The following ARFGEF3 variants were observed in gnomAD, a reference collection of about 807,000 sequenced individuals.
ARFGEF3 encodes ARFGEF family member 3.
In ARFGEF3, 96 loss-of-function variants were observed where a neutral mutation model predicts 221.7. That is an observed-to-expected ratio of 0.43 (90% CI 0.37 to 0.51). The LOEUF is 0.51. ARFGEF3 is among the 20% of genes least tolerant of loss of function. The pLI, the probability that ARFGEF3 is intolerant of heterozygous loss-of-function variation, is 0.00. For synonymous variants in ARFGEF3, 1,145 were observed against 1,126.8 expected (o/e 1.02, Z -0.32); for missense variants, 2,410 against 2,789.9 (o/e 0.86, Z 3.07).
intron 4 of ARFGEF3, 127 bp downstream of exon 4, chr6:138,210,168 T>C: frequency 1.1e-6 from 1 of 882,042 alleles, no homozygotes; most frequent in Non-Finnish European, 1.7e-6. Context: ...GAACGGATGC[T>C]TGTTATTCTT....
At chr6:138,249,979 T>A (rs1778552040) in intron 8 of ARFGEF3, among the ~76,000 whole-genome samples, 1 of 152,216 alleles carries the variant, frequency 6.6e-6, no homozygotes, top group African/African-American at 2.4e-5. Flanking sequence ...GGTGCTTCTG[T>A]TCATTCTCCT....
In ARFGEF3 at chr6:138,255,766, AGAGGT is replaced by A; in HGVS notation, c.1104+2_1104+6del. The A allele has an allele frequency of 6.5e-7, 1 of 1,546,930 alleles. No individual in the cohort carries two copies. The highest frequency in any genetic ancestry group is 8.8e-7 in the Non-Finnish European group (1 of 1,140,706). On this transcript the variant is annotated splice_donor_variant and coding_sequence_variant, in exon 10 of 34. Coordinates refer to ENST00000251691, the MANE Select transcript of ARFGEF3 (RefSeq NM_020340.5). LOFTEE classifies it high-confidence loss of function. ...GGGTGGAAGCCATCAAAATAATGAAAGAGGTGAGGAGGCACTGGAGATCGCCACCA... is the reference window on the plus strand; with the variant it reads ...GGGTGGAAGCCATCAAAATAATGAAAGAGGAGGCACTGGAGATCGCCACCA...
intron 4 of ARFGEF3, among the ~76,000 whole-genome samples, chr6:138,213,212 C>T (rs973562524): frequency 2.7e-5 from 4 of 149,606 alleles, no homozygotes; most frequent in African/African-American, 7.4e-5. Context: ...GGCATGAATC[C>T]GGGAGGCAGA....
chr6:138,336,067 C>A (rs1262603177), intron 33 of ARFGEF3, among the ~76,000 whole-genome samples: 3 of 152,018 alleles, frequency 2.0e-5, no homozygotes, highest in Non-Finnish European at 1.5e-5. Context: ...TTTGTGAAAG[C>A]TGAAAATAAG....
chr6:138,310,204 G>A (rs1010770460), intron 24 of ARFGEF3, among the ~76,000 whole-genome samples: 49 of 152,262 alleles, frequency 3.2e-4, no homozygotes, highest in Middle Eastern at 3.4e-3. Flanking sequence ...AATACACAGC[G>A]GCCACAGTCT....
intron 5 of ARFGEF3, among the ~76,000 whole-genome samples, chr6:138,232,200 G>A (rs759226620): frequency 6.6e-6 from 1 of 152,098 alleles, no homozygotes; most frequent in Non-Finnish European, 1.5e-5. Context: ...AATTGCCAAG[G>A]TCTTGGAGTA....
chr6:138,189,375 A>G (rs1040295610), intron 2 of ARFGEF3, among the ~76,000 whole-genome samples: 3 of 152,202 alleles, frequency 2.0e-5, no homozygotes, highest in Admixed American at 6.5e-5. Flanking sequence ...CTTTATAGAG[A>G]GGAGACTGAG....
intron 2 of ARFGEF3, among the ~76,000 whole-genome samples, chr6:138,194,999 T>C (rs11759569): frequency 2.0e-4 from 26 of 128,172 alleles, no homozygotes; most frequent in Non-Finnish European, 1.6e-5. Flanking sequence ...ATTTTTTTTT[T>C]TTTTTTTTTT....
chr6:138,229,824 A>G lies in ARFGEF3; in HGVS notation c.392A>G (p.Asn131Ser). 2 of 1,613,686 alleles carry G rather than the reference A, an allele frequency of 1.2e-6. No homozygotes were observed. Among genetic ancestry groups the G allele is most frequent in the South Asian group, 2.2e-5 (2 of 91,072 alleles). Residue 131 changes from asparagine (N) to serine (S), a missense_variant, in exon 5 of 34, where the codon AAT becomes AGT. Physicochemically the swap from Asn to Ser is conservative, Grantham distance 46 (BLOSUM62 1). Coordinates refer to ENST00000251691, the MANE Select transcript of ARFGEF3 (RefSeq NM_020340.5). ...ACCTACACGCCAACATTTGATCTGA[A>G]TGGGAGTGCCGTGCTGAAGATCGCG... ...CITYTPTFDL[N>S]GSAVLKIAEV...
intron 22 of ARFGEF3, among the ~76,000 whole-genome samples, chr6:138,303,353 TGCAGAAA>T (rs1159051180): frequency 6.6e-6 from 1 of 152,190 alleles, no homozygotes; most frequent in Admixed American, 6.5e-5. Flanking sequence ...TATGTAAATA[TGCAGAAA>T]ACATATAGCA....
chr6:138,264,570 A>G (rs1202357815), intron 12 of ARFGEF3, among the ~76,000 whole-genome samples: 1 of 152,200 alleles, frequency 6.6e-6, no homozygotes, highest in Non-Finnish European at 1.5e-5. Context: ...TTGCTCTTCT[A>G]CCACTTAACC....
chr6:138,279,027 T>C (rs1393742967), intron 13 of ARFGEF3, among the ~76,000 whole-genome samples: 2 of 152,136 alleles, frequency 1.3e-5, no homozygotes, highest in Non-Finnish European at 2.9e-5. Flanking sequence ...TTTCTTTTTT[T>C]TGAGACAGAG....
In ARFGEF3 at chr6:138,296,853, G is replaced by A. The variant is rs373574000; in HGVS notation, c.3546G>A (p.Leu1182=). 38 of 1,613,890 alleles carry A rather than the reference G, an allele frequency of 2.4e-5. No homozygotes were observed. The highest frequency in any genetic ancestry group is 1.6e-4 in the Middle Eastern group (1 of 6,084). The part of the protein sequence containing the change: ...STQDRKSALH[L]FRLGNAMLRI... ...AAGACCGAAAAAGCGCCCTCCACCT[G>A]TTCCGCCTGGGGAATGCCATGCTGA... Residue 1182 remains leucine (L), a synonymous_variant, in exon 21 of 34, where the codon CTG becomes CTA. Coordinates refer to ENST00000251691, the MANE Select transcript of ARFGEF3 (RefSeq NM_020340.5).
rs561050334 is a variant in ARFGEF3 at position 138,254,662 on chromosome 6, G to A, written c.770+678G>A. Among the ~76,000 whole-genome samples, 30 of 152,086 alleles carry A rather than the reference G, an allele frequency of 2.0e-4. No homozygotes were observed. The East Asian group carries it at 2.1e-3, about 11-fold the overall frequency. ...GGAGAATCACTTGAACCCGGGAGGC[G>A]GAGGTTGCAGTGAGCCGAGATCGTG... On this transcript the variant is annotated intron_variant, in intron 9 of 33. Transcript: ENST00000251691.
chr6:138,239,252 T>C (rs1383724898), intron 6 of ARFGEF3, among the ~76,000 whole-genome samples: 1 of 152,198 alleles, frequency 6.6e-6, no homozygotes, highest in East Asian at 1.9e-4. Context: ...ATTGGTGTTT[T>C]GTGTTGTTTT....
In ARFGEF3 at chr6:138,262,908, T is replaced by C. The variant is rs748115939; in HGVS notation, c.1425T>C (p.Asn475=). 6 of 1,612,200 alleles carry C rather than the reference T, an allele frequency of 3.7e-6. No individual in the cohort carries two copies. In the Admixed American group the frequency reaches 5.0e-5, roughly 14 times the overall value. Residue 475 remains asparagine, a synonymous_variant, in exon 12 of 34, where the codon AAT becomes AAC. Coordinates refer to ENST00000251691, the MANE Select transcript of ARFGEF3 (RefSeq NM_020340.5). ...AEWSRDSMEI[N]EADFRWQRRV... is the part of the protein sequence containing the mutation. ...GGAGCCGAGATTCCATGGAGATCAATGAGGCTGACTTCCGCTGGCAGCGGC... is the reference window on the plus strand; with the variant it reads ...GGAGCCGAGATTCCATGGAGATCAACGAGGCTGACTTCCGCTGGCAGCGGC...
At chr6:138,226,878 C>A (rs962099346) in intron 4 of ARFGEF3, among the ~76,000 whole-genome samples, 1 of 152,154 alleles carries the variant, frequency 6.6e-6, no homozygotes, top group Non-Finnish European at 1.5e-5. Context: ...GATGCTCTGC[C>A]CTTAATACAT....
At chr6:138,168,528 G>A (rs1249058416) in intron 1 of ARFGEF3, among the ~76,000 whole-genome samples, 1 of 152,192 alleles carries the variant, frequency 6.6e-6, no homozygotes, top group Non-Finnish European at 1.5e-5. Flanking sequence ...GGTCTTGACA[G>A]GGTCTCTCAG....
At chr6:138,284,724 C>T (rs901454976) in intron 14 of ARFGEF3, among the ~76,000 whole-genome samples, 13 of 152,324 alleles carry the variant, frequency 8.5e-5, no homozygotes, top group Non-Finnish European at 1.8e-4. Flanking sequence ...TGTCATCAGC[C>T]TCATGGCCTT....
Sources: gnomAD v4.1 joint callset for allele counts (sites outside exome capture counted in the v4.1 genomes callset) on GRCh38, gnomAD v4.1.1 for gene constraint, MANE v1.5 for transcripts, NCBI Gene and HGNC (gene_info 2026-07-23, HGNC 2026-07-21) for gene names.